The following NALF1 variants were observed in gnomAD, a reference collection of about 807,000 sequenced individuals.
The protein encoded by NALF1 is NALCN channel auxiliary factor 1.
In NALF1, 3 loss-of-function variants were observed where a neutral mutation model predicts 48.4. That is an observed-to-expected ratio of 0.06 (90% CI 0.03 to 0.16). NALF1 has a LOEUF of 0.16. Ranked by LOEUF, NALF1 falls within the 10% of genes least tolerant of loss-of-function variation. NALF1 has a pLI of 1.00. For synonymous variants in NALF1, 262 were observed against 245.7 expected (o/e 1.07, Z -0.62); for missense variants, 526 against 571.5 (o/e 0.92, Z 0.81).
chr13:107,727,001 G>A (rs1029800898), intron 1 of NALF1, among the ~76,000 whole-genome samples: 2 of 147,866 alleles, frequency 1.4e-5, no homozygotes, highest in East Asian at 2.1e-4. Context: ...TAGGAGAGAC[G>A]GGGTTTCCCC....
At chr13:107,252,984 A>C (rs1880733545) in intron 1 of NALF1, among the ~76,000 whole-genome samples, 1 of 152,206 alleles carries the variant, frequency 6.6e-6, no homozygotes, top group Non-Finnish European at 1.5e-5. Context: ...AACTTAATAG[A>C]TTACCCCAAA....
intron 1 of NALF1, among the ~76,000 whole-genome samples, chr13:107,372,305 A>C (rs1883261485): frequency 6.6e-6 from 1 of 152,264 alleles, no homozygotes; most frequent in South Asian, 2.1e-4. Flanking sequence ...TTTCTATTTT[A>C]GATACCCTTC....
Position 107,449,018 on chromosome 13 carries a change from C to A in NALF1, c.916-238263G>T, listed in dbSNP as rs1156708426. On this transcript the variant is annotated intron_variant, in intron 1 of 2. Coordinates refer to ENST00000375915, the MANE Select transcript of NALF1 (RefSeq NM_001080396.3). ...CAGCACTTTGGGAGGCCGAGGCGGG[C>A]GGATCAAATGAGGTCAGGAGTTCAA... Among the ~76,000 whole-genome samples the A allele has an allele frequency of 2.0e-5, 3 of 152,000 alleles. No individual in the cohort carries two copies. The East Asian group carries it at 5.8e-4, about 29-fold the overall frequency.
chr13:107,397,694 C>T (rs984555291), intron 1 of NALF1, among the ~76,000 whole-genome samples: 2 of 152,032 alleles, frequency 1.3e-5, no homozygotes, highest in African/African-American at 4.8e-5. Context: ...CTTTGCTCCA[C>T]ATTTGTCAAG....
chr13:107,642,240 A>C (rs1322908475), intron 1 of NALF1, among the ~76,000 whole-genome samples: 1 of 152,190 alleles, frequency 6.6e-6, no homozygotes, highest in Non-Finnish European at 1.5e-5. Context: ...ATTTTCACTA[A>C]AAGTGAAGGC....
At chr13:107,802,601 GAGACAT>G (rs10598541) in intron 1 of NALF1, among the ~76,000 whole-genome samples, 7,021 of 151,986 alleles carry the variant, frequency 0.046, 299 homozygotes, top group African/African-American at 0.12. Flanking sequence ...AAAACTGCTA[GAGACAT>G]AGTTCCCAGA....
intron 1 of NALF1, among the ~76,000 whole-genome samples, chr13:107,422,422 T>C (rs1884204250): frequency 6.6e-6 from 1 of 152,066 alleles, no homozygotes; most frequent in Non-Finnish European, 1.5e-5. Flanking sequence ...ACATTAGAGT[T>C]TCATAAAATA....
chr13:107,278,378 A>C (rs1158437136), intron 1 of NALF1, among the ~76,000 whole-genome samples: 1 of 152,182 alleles, frequency 6.6e-6, no homozygotes, highest in African/African-American at 2.4e-5. Context: ...TTGTTTATGG[A>C]GTGTATATGC....
intron 1 of NALF1, among the ~76,000 whole-genome samples, chr13:107,626,801 A>G (rs946886899): frequency 3.3e-5 from 5 of 152,168 alleles, no homozygotes; most frequent in African/African-American, 9.6e-5. Flanking sequence ...AGGAGGAGAC[A>G]TGAAGGGCCA....
At chr13:107,643,179 G>C (rs1880208245) in intron 1 of NALF1, among the ~76,000 whole-genome samples, 1 of 152,168 alleles carries the variant, frequency 6.6e-6, no homozygotes, top group African/African-American at 2.4e-5. Context: ...TTCCCAAGAA[G>C]ATGTTTATGG....
At chr13:107,562,859 T>G (rs1338274006) in intron 1 of NALF1, among the ~76,000 whole-genome samples, 2 of 152,174 alleles carry the variant, frequency 1.3e-5, no homozygotes, top group Non-Finnish European at 2.9e-5. Context: ...CGGAAAAAAT[T>G]ACCTTCCAGG....
At chr13:107,368,560 G>A (rs147039875) in intron 1 of NALF1, among the ~76,000 whole-genome samples, 1,616 of 152,266 alleles carry the variant, frequency 0.011, 13 homozygotes, top group Middle Eastern at 0.017. Context: ...TCTGGCGTCC[G>A]GTGGTTGCAG....
chr13:107,670,056 A>C (rs1051220394), intron 1 of NALF1, among the ~76,000 whole-genome samples: 8 of 152,110 alleles, frequency 5.3e-5, no homozygotes, highest in African/African-American at 1.9e-4. Flanking sequence ...TTTCTACTTC[A>C]CCATCTACTG....
At chr13:107,341,972 T>C (rs1023301250) in intron 1 of NALF1, among the ~76,000 whole-genome samples, 2 of 152,064 alleles carry the variant, frequency 1.3e-5, no homozygotes, top group South Asian at 2.1e-4. Context: ...AGGTGTTTGA[T>C]AGCTAGGAAA....
At chr13:107,598,907 G>A (rs1189200468) in intron 1 of NALF1, among the ~76,000 whole-genome samples, 2 of 152,018 alleles carry the variant, frequency 1.3e-5, no homozygotes, top group Non-Finnish European at 2.9e-5. Flanking sequence ...AATTACATTT[G>A]GGACTTTGTG....
chr13:107,866,928 A>C lies in NALF1; in HGVS notation c.-332T>G, dbSNP rs947181807. Among the ~76,000 whole-genome samples, 12 of 151,532 alleles carry C rather than the reference A, an allele frequency of 7.9e-5. No individual in the cohort carries two copies. Among genetic ancestry groups the C allele is most frequent in the South Asian group, 4.2e-4 (2 of 4,780 alleles). The stretch of plus-strand genomic sequence containing the variant: ...AGAGAGAGAGAGAGAGAGACGGAGG[A>C]GGCTGGTGCTGGTGGCCGGCGGCGA... On this transcript the variant is annotated 5_prime_UTR_variant, in exon 1 of 3. Transcript: ENST00000375915. The surrounding 1 kb of genome is among the most constrained non-coding windows in gnomAD (Gnocchi z 4.4).
At chr13:107,476,730 G>T (rs2139057135) in intron 1 of NALF1, among the ~76,000 whole-genome samples, 1 of 152,136 alleles carries the variant, frequency 6.6e-6, no homozygotes, top group Non-Finnish European at 1.5e-5. Context: ...ATAAGGTTGT[G>T]ATTATAGATT....
At position 107,283,129 on chromosome 13, in the gene NALF1, C is replaced by T. The variant is rs1002553930; in HGVS notation, c.916-72374G>A. Among the ~76,000 whole-genome samples, 9 of 152,042 alleles carry T rather than the reference C, an allele frequency of 5.9e-5. No individual in the cohort carries two copies. In the South Asian group the frequency reaches 6.2e-4, roughly 11 times the overall value. ...AGAAACTTGTTAGAACCACATTGGC[C>T]GCACTGAGATTATGATCATGGCCTA... On this transcript the variant is annotated intron_variant, in intron 1 of 2. Coordinates refer to ENST00000375915, the MANE Select transcript of NALF1 (RefSeq NM_001080396.3).
intron 2 of NALF1, among the ~76,000 whole-genome samples, chr13:107,188,112 A>G (rs1879214413): frequency 6.6e-6 from 1 of 152,222 alleles, no homozygotes; most frequent in Admixed American, 6.5e-5. Context: ...ACTCATCACC[A>G]AGACAATTTA....
Sources: gnomAD v4.1 joint callset for allele counts (sites outside exome capture counted in the v4.1 genomes callset) on GRCh38, gnomAD v4.1.1 for gene constraint, Gnocchi (gnomAD v3.1) non-coding constraint, MANE v1.5 for transcripts, NCBI Gene and HGNC (gene_info 2026-07-23, HGNC 2026-07-21) for gene names.